The following DENND2C variants were observed in gnomAD, a reference collection of about 807,000 sequenced individuals.
DENND2C encodes DENN domain-containing protein 2C.
Under a neutral mutation model 112.4 loss-of-function variants are expected in DENND2C, and 72 were observed. The ratio of observed to expected loss-of-function variants is 0.64; its 90% CI spans 0.53 to 0.78. The LOEUF (loss-of-function observed/expected upper bound fraction) is 0.78. DENND2C is among the 30% of genes least tolerant of loss of function. The probability of loss-of-function intolerance (pLI) is 0.00; values close to 1 mark genes in which losing one functional copy is unlikely to be tolerated. For synonymous variants in DENND2C, 329 were observed against 381.6 expected (o/e 0.86, Z 1.61); for missense variants, 992 against 1,113.8 (o/e 0.89, Z 1.56).
intron 3 of DENND2C, among the ~76,000 whole-genome samples, chr1:114,635,308 C>G (rs1162835903): frequency 6.6e-6 from 1 of 151,590 alleles, no homozygotes; most frequent in Non-Finnish European, 1.5e-5. Flanking sequence ...AAGCATAAAC[C>G]CAAAGAAACT....
chr1:114,654,247 A>G (rs1657245883), intron 2 of DENND2C, among the ~76,000 whole-genome samples: 4 of 152,180 alleles, frequency 2.6e-5, no homozygotes, highest in Admixed American at 2.6e-4. Context: ...CCTGGCTAAC[A>G]TGGTGAAACC....
intron 3 of DENND2C, among the ~76,000 whole-genome samples, chr1:114,638,142 A>G (rs1018845823): frequency 3.9e-5 from 6 of 152,170 alleles, no homozygotes; most frequent in Non-Finnish European, 8.8e-5. Flanking sequence ...GAACCCACAT[A>G]TATATAGTCA....
rs1239815860 is a variant in DENND2C at position 114,584,253 on chromosome 1, G to A, written c.*1347C>T. ...CAACGTATTTAACTTCTTTGAATTT[G>A]TTTTTTTCTTTTTTCTTTTCCTTTT... On this transcript the variant is annotated 3_prime_UTR_variant, in exon 21 of 21. Coordinates refer to ENST00000393274, the MANE Select transcript of DENND2C (RefSeq NM_001256404.2). 1.3e-5 allele frequency: 2 copies of A among 152,000 alleles called. No homozygotes were observed. Among genetic ancestry groups the A allele is most frequent in the East Asian group, 3.9e-4 (2 of 5,192 alleles). 9.4% of individuals were successfully genotyped at this position (152,000 alleles called of 1,614,324 possible). A position where few individuals can be genotyped will look rare whatever the true frequency, so the allele number is the denominator to read the frequency against.
intron 10 of DENND2C, among the ~76,000 whole-genome samples, chr1:114,607,841 A>G (rs1271756117): frequency 6.6e-6 from 1 of 152,172 alleles, no homozygotes; most frequent in Non-Finnish European, 1.5e-5. Flanking sequence ...ACCTCACTAA[A>G]TCCTTACTGA....
intron 2 of DENND2C, among the ~76,000 whole-genome samples, chr1:114,650,967 G>A (rs913757814): frequency 4.6e-5 from 7 of 151,938 alleles, no homozygotes; most frequent in African/African-American, 1.7e-4. Context: ...GCATTAGCTG[G>A]GTGTGGTGGC....
rs1254845658 is a variant in DENND2C, at chr1:114,587,646, A to C, written c.2668+70T>G. 2.1e-6 allele frequency: 3 copies of C among 1,452,788 alleles called. No individual in the cohort carries two copies. In the Admixed American group the frequency reaches 6.3e-5, roughly 31 times the overall value. 90.0% of individuals were successfully genotyped at this position (1,452,788 alleles called of 1,614,324 possible). A position where few individuals can be genotyped will look rare whatever the true frequency, so the allele number is the denominator to read the frequency against. ...CCCTTGTCGCTTTACAATACTTTTT[A>C]TTCATAATATAGTAAAATCTTTCAA... On this transcript the variant is annotated intron_variant, in intron 19 of 20. Transcript: ENST00000393274.
At position 114,600,930 on chromosome 1, in the gene DENND2C, T is replaced by TTTCTC. The variant is rs766990633; in HGVS notation, c.1841_1845dup (p.Met616GlufsTer47). On this transcript the variant is annotated frameshift_variant, in exon 14 of 21. Coordinates refer to ENST00000393274, the MANE Select transcript of DENND2C (RefSeq NM_001256404.2). LOFTEE classifies it high-confidence loss of function. The stretch of plus-strand genomic sequence containing the variant: ...AATGGGTAAACAAGGGCTGGAGACA[T>TTTCTC]TTCTCTTCTCTTCTCTACTTCATCC... The TTTCTC allele has an allele frequency of 1.9e-6, 3 of 1,613,820 alleles. No homozygotes were observed. Among genetic ancestry groups the TTTCTC allele is most frequent in the Non-Finnish European group, 2.5e-6 (3 of 1,179,776 alleles).
At chr1:114,635,406 A>G (rs1015491269) in intron 3 of DENND2C, among the ~76,000 whole-genome samples, 9 of 152,218 alleles carry the variant, frequency 5.9e-5, no homozygotes, top group African/African-American at 1.9e-4. Context: ...TGAAAACATT[A>G]GTAAATTGAC....
At chr1:114,643,492 C>T (rs1557956316) in intron 3 of DENND2C, among the ~76,000 whole-genome samples, 1 of 152,168 alleles carries the variant, frequency 6.6e-6, no homozygotes, top group South Asian at 2.1e-4. Flanking sequence ...AAACAGGCTT[C>T]TACTTTTCAA....
intron 7 of DENND2C, among the ~76,000 whole-genome samples, chr1:114,620,364 A>G (rs1656131885): frequency 6.6e-6 from 1 of 152,214 alleles, no homozygotes; most frequent in Admixed American, 6.5e-5. Flanking sequence ...GTTAGATCCT[A>G]TCACCTACAA....
intron 1 of DENND2C, among the ~76,000 whole-genome samples, chr1:114,656,957 G>T (rs969269295): frequency 2.0e-5 from 3 of 151,424 alleles, no homozygotes; most frequent in African/African-American, 7.3e-5. Flanking sequence ...CCCCATGTTG[G>T]CCAGGCTGGT....
At chr1:114,655,227 A>G (rs1020126434) in intron 1 of DENND2C, among the ~76,000 whole-genome samples, 3 of 152,222 alleles carry the variant, frequency 2.0e-5, no homozygotes, top group African/African-American at 7.2e-5. Context: ...ATAATTTGAA[A>G]GCTGTCTATA....
At position 114,608,915 on chromosome 1, in the gene DENND2C, C is replaced by T. The variant is rs61730056; in HGVS notation, c.1370-42G>A. The T allele has an allele frequency of 2.6e-4, 424 of 1,607,728 alleles. 1 individual carries two copies. In the African/African-American group the frequency reaches 4.1e-3, roughly 16 times the overall value. ...GAGAAATGTTTTTTTCTCTGTAGCC[C>T]TACCTTCCTTTCAGCATCCAGAGGT... On this transcript the variant is annotated intron_variant, in intron 9 of 20. Transcript: ENST00000393274.
chr1:114,631,705 A>G (rs1388646010), intron 3 of DENND2C, among the ~76,000 whole-genome samples: 2 of 152,030 alleles, frequency 1.3e-5, no homozygotes, highest in African/African-American at 2.4e-5. Context: ...TGGCCAGAAC[A>G]TGGGAGGCGG....
chr1:114,603,708 T>A (rs1655583431), intron 11 of DENND2C, among the ~76,000 whole-genome samples: 1 of 151,854 alleles, frequency 6.6e-6, no homozygotes, highest in Non-Finnish European at 1.5e-5. Flanking sequence ...TGGCTAGTTC[T>A]TTTGGTATTT....
At chr1:114,663,025 T>C (rs1298006683) in intron 1 of DENND2C, among the ~76,000 whole-genome samples, 2 of 152,178 alleles carry the variant, frequency 1.3e-5, no homozygotes, top group Admixed American at 6.5e-5. Context: ...GGTAAATACC[T>C]GGAATAGATA....
intron 8 of DENND2C, among the ~76,000 whole-genome samples, chr1:114,613,736 G>C (rs1338748500): frequency 6.6e-6 from 1 of 152,146 alleles, no homozygotes; most frequent in South Asian, 2.1e-4. Flanking sequence ...TCACATCTAT[G>C]GGTTTTGATG....
intron 1 of DENND2C, among the ~76,000 whole-genome samples, chr1:114,659,899 T>G (rs1054973508): frequency 7.3e-5 from 11 of 150,202 alleles, no homozygotes; most frequent in Non-Finnish European, 1.3e-4. Context: ...TACGCGATCC[T>G]TCTACCTCAA....
intron 16 of DENND2C, among the ~76,000 whole-genome samples, chr1:114,598,365 C>T (rs1655399890): frequency 6.6e-6 from 1 of 151,976 alleles, no homozygotes; most frequent in African/African-American, 2.4e-5. Context: ...AGAAGCCAGG[C>T]AAAAATATAT....
Sources: allele counts gnomAD v4.1 joint callset (sites outside exome capture counted in the v4.1 genomes callset), GRCh38; gene constraint gnomAD v4.1.1; transcripts MANE v1.5; gene names NCBI Gene and HGNC (gene_info 2026-07-23, HGNC 2026-07-21).